The following KMT2C variants were observed in gnomAD, a reference collection of about 807,000 sequenced individuals.
KMT2C encodes histone-lysine N-methyltransferase 2C.
In KMT2C, 88 loss-of-function variants were observed where a neutral mutation model predicts 507.9. The ratio of observed to expected loss-of-function variants is 0.17; its 90% confidence interval spans 0.15 to 0.21. The LOEUF is 0.21. Ranked by LOEUF, KMT2C falls within the 10% of genes least tolerant of loss-of-function variation. KMT2C has a pLI of 1.00. For synonymous variants in KMT2C, 2,049 were observed against 2,080.8 expected (o/e 0.98, Z 0.42); for missense variants, 4,954 against 5,957.8 (o/e 0.83, Z 5.55).
intron 1 of KMT2C, among the ~76,000 whole-genome samples, chr7:152,414,146 G>C (rs2097710153): frequency 6.6e-6 from 1 of 151,382 alleles, no homozygotes; most frequent in African/African-American, 2.4e-5. Context: ...GGAGGCAGAG[G>C]TTGCAGTGAG....
chr7:152,144,926 T>C lies in KMT2C; in HGVS notation c.14175-45A>G. 6.4e-7 allele frequency: 1 copy of C among 1,556,046 alleles called. No individual in the cohort carries two copies. The highest frequency in any genetic ancestry group is 8.7e-7 in the Non-Finnish European group (1 of 1,143,856). ...AACAGGAAAAAAATACAAGGAAAAC[T>C]GAAGATACCTCTGAGTAATGCCCAA... On this transcript the variant is annotated intron_variant, in intron 54 of 58. Coordinates refer to ENST00000262189, the MANE Select transcript of KMT2C (RefSeq NM_170606.3). This position sits in a 1 kb window ranked among gnomAD's most constrained non-coding sequence, Gnocchi z 4.4.
chr7:152,181,455 T>G lies in KMT2C; in HGVS notation c.6405A>C (p.Pro2135=). Residue 2135 remains proline, a synonymous_variant, in exon 36 of 59, where the codon CCA becomes CCC. Transcript: ENST00000262189. Reference sequence around the variant, plus strand: ...AATCTACAACAGGTCGTGGAGTTCCTGGGGGTTGGGAGTATGGGTCCTGAG... The same window carrying G: ...AATCTACAACAGGTCGTGGAGTTCCGGGGGGTTGGGAGTATGGGTCCTGAG... ...PTSQDPYSQP[P]GTPRPVVDSY... 1 of 1,614,012 alleles carries G rather than the reference T, an allele frequency of 6.2e-7. No individual in the cohort carries two copies. The highest frequency in any genetic ancestry group is 8.5e-7 in the Non-Finnish European group (1 of 1,180,000).
intron 41 of KMT2C, 63 bp from the exon 42 acceptor site, chr7:152,167,441 C>T: frequency 3.6e-6 from 4 of 1,121,626 alleles, no homozygotes; most frequent in East Asian, 4.7e-5. Context: ...ATAAGTTACA[C>T]AAATCTATTT....
chr7:152,346,088 T>C (rs114917283), intron 2 of KMT2C, among the ~76,000 whole-genome samples: 2,000 of 152,204 alleles, frequency 0.013, 51 homozygotes, highest in African/African-American at 0.046. Flanking sequence ...AACATCAAAA[T>C]ATGTGAAGCA....
rs746812551 is a variant in KMT2C at position 152,194,518 on chromosome 7, T to C, written c.4429A>G (p.Asn1477Asp). 2.5e-6 allele frequency: 4 copies of C among 1,612,920 alleles called. No individual in the cohort carries two copies. The Admixed American group carries it at 6.7e-5, about 27-fold the overall frequency. Residue 1477 changes from asparagine (N) to aspartate (D), a missense_variant, in exon 29 of 59, where the codon AAT becomes GAT. Coordinates refer to ENST00000262189, the MANE Select transcript of KMT2C (RefSeq NM_170606.3). ...TCACTTAATGGTCGTGAACTCTGATTGACATTTGGCTGAGGCAAAGAGGAA... is the reference window on the plus strand; with the variant it reads ...TCACTTAATGGTCGTGAACTCTGATCGACATTTGGCTGAGGCAAAGAGGAA... ...DPSSLPQPNVNQSSRPLSEEQ... is the reference protein window; with the variant it reads ...DPSSLPQPNVDQSSRPLSEEQ...
chr7:152,364,378 C>T lies in KMT2C; in HGVS notation c.162-5703G>A, dbSNP rs548949477. Among the ~76,000 whole-genome samples, 5 of 152,172 alleles carry T rather than the reference C, an allele frequency of 3.3e-5. No homozygotes were observed. The East Asian group carries it at 5.8e-4, about 18-fold the overall frequency. On this transcript the variant is annotated intron_variant, in intron 1 of 58. Coordinates refer to ENST00000262189, the MANE Select transcript of KMT2C (RefSeq NM_170606.3). Reference sequence around the variant, plus strand: ...ATCCCAGCACTTTGGGAGGCTGAGGCGGGCAGATCACAAGGTCAGGAGATC... The same window carrying T: ...ATCCCAGCACTTTGGGAGGCTGAGGTGGGCAGATCACAAGGTCAGGAGATC...
chr7:152,395,097 TCTCA>T (rs1450948259), intron 1 of KMT2C, among the ~76,000 whole-genome samples: 3 of 152,236 alleles, frequency 2.0e-5, no homozygotes, highest in African/African-American at 7.2e-5. Context: ...CATGAAATAA[TCTCA>T]CTCAAGAAAA....
chr7:152,391,534 A>ACG (rs1446854376), intron 1 of KMT2C, among the ~76,000 whole-genome samples: 97 of 94,466 alleles, frequency 1.0e-3, no homozygotes, highest in Middle Eastern at 9.8e-3. Flanking sequence ...GAGCCACTGC[A>ACG]TGCCCGGCCT....
intron 24 of KMT2C, 44 bp from the exon 25 acceptor site, chr7:152,205,269 C>T (rs1489637900): frequency 6.4e-7 from 1 of 1,573,548 alleles, no homozygotes; most frequent in Admixed American, 1.7e-5. Context: ...TAATTTCTCC[C>T]TACATTTCCA....
intron 43 of KMT2C, among the ~76,000 whole-genome samples, chr7:152,160,670 T>C (rs2092396924): frequency 6.8e-6 from 1 of 148,082 alleles, no homozygotes; most frequent in African/African-American, 2.5e-5. Flanking sequence ...TAGATGTATA[T>C]ATTTATATAT....
At chr7:152,318,675 AAC>A (rs970921622) in intron 3 of KMT2C, among the ~76,000 whole-genome samples, 3 of 151,866 alleles carry the variant, frequency 2.0e-5, no homozygotes, top group Non-Finnish European at 4.4e-5. Context: ...TGGAAGTATA[AAC>A]ACAAATGACA....
intron 3 of KMT2C, 147 bp from the exon 4 acceptor site, chr7:152,315,485 A>AC (rs1407329103): frequency 5.0e-6 from 3 of 595,858 alleles, no homozygotes; most frequent in African/African-American, 1.9e-5. Context: ...CTATTCAGTG[A>AC]TTACCCATAA....
intron 2 of KMT2C, among the ~76,000 whole-genome samples, chr7:152,348,599 T>TAAAAAAA (rs201530125): frequency 1.6e-4 from 8 of 48,982 alleles, no homozygotes; most frequent in African/African-American, 4.2e-4. Context: ...AACTCTGTCT[T>TAAAAAAA]AAAAAAAAAA....
chr7:152,136,577 A>G lies in KMT2C; in HGVS notation c.*255T>C. The G allele has an allele frequency of 2.6e-6, 1 of 391,312 alleles. No homozygotes were observed. Among genetic ancestry groups the G allele is most frequent in the Non-Finnish European group, 4.6e-6 (1 of 218,962 alleles). 24.2% of individuals were successfully genotyped at this position (391,312 alleles called of 1,614,324 possible). ...CAAACAAAAAAAAAAGAAAAGGAAA[A>G]GAAAAAAAAGCAAAAGTGCTGGACC... is the stretch of plus-strand genomic sequence containing the variant. On this transcript the variant is annotated 3_prime_UTR_variant, in exon 59 of 59. Transcript: ENST00000262189.
chr7:152,414,007 C>G (rs1471464140), intron 1 of KMT2C, among the ~76,000 whole-genome samples: 1 of 151,848 alleles, frequency 6.6e-6, no homozygotes, highest in Admixed American at 6.6e-5. Context: ...GTCAGAAATT[C>G]GAGACCAGCC....
chr7:152,313,845 C>T (rs1264866372), intron 4 of KMT2C, among the ~76,000 whole-genome samples: 2 of 151,968 alleles, frequency 1.3e-5, no homozygotes, highest in Non-Finnish European at 2.9e-5. Context: ...TATCTGAGCT[C>T]ATAAGAATTT....
At chr7:152,292,465 A>T (rs1342054709) in intron 6 of KMT2C, among the ~76,000 whole-genome samples, 1 of 152,220 alleles carries the variant, frequency 6.6e-6, no homozygotes, top group African/African-American at 2.4e-5. Flanking sequence ...GTCATATATA[A>T]TGCCCAAATA....
At position 152,205,316 on chromosome 7, in the gene KMT2C, A is replaced by C. The variant is rs973896312; in HGVS notation, c.3842-91T>G. Reference sequence around the variant, plus strand: ...ATAAAACTGCTTTATCTTGAATAGTAAGTCATTTTCCAAAATTAAATCTGT... The same window carrying C: ...ATAAAACTGCTTTATCTTGAATAGTCAGTCATTTTCCAAAATTAAATCTGT... On this transcript the variant is annotated intron_variant, in intron 24 of 58. Transcript: ENST00000262189. 8 of 944,510 alleles carry C rather than the reference A, an allele frequency of 8.5e-6. No individual in the cohort carries two copies. The African/African-American group carries it at 1.4e-4, about 16-fold the overall frequency. 58.5% of individuals were successfully genotyped at this position (944,510 alleles called of 1,614,324 possible).
rs116486360 is a variant in KMT2C at position 152,359,489 on chromosome 7, G to C, written c.162-814C>G. On this transcript the variant is annotated intron_variant, in intron 1 of 58. Transcript: ENST00000262189. ...ATTTTAAACTCTTTAAAAGAAAAAG[G>C]CTGGGTAAGGTGGCTCACACCTGTA... 8.5e-3 allele frequency among the ~76,000 whole-genome samples: 1,288 copies of C among 152,188 alleles called. 21 individuals carry two copies. The highest frequency in any genetic ancestry group is 0.03 in the African/African-American group (1,241 of 41,526).
Sources: gnomAD v4.1 joint callset for allele counts (sites outside exome capture counted in the v4.1 genomes callset) on GRCh38, gnomAD v4.1.1 for gene constraint, Gnocchi (gnomAD v3.1) non-coding constraint, MANE v1.5 for transcripts, NCBI Gene and HGNC (gene_info 2026-07-23, HGNC 2026-07-21) for gene names.